Variants in COL14A1 observed in about 807,000 individuals in gnomAD.
COL14A1 encodes collagen type XIV alpha 1 chain, also known as collagen alpha-1(XIV) chain.
COL14A1 carries 136 observed loss-of-function variants against 230.3 expected under a neutral mutation model. The observed-to-expected ratio is 0.59, with a 90% CI of 0.51 to 0.68. The LOEUF is 0.68. Among genes scored for constraint, COL14A1 ranks in the 30% least tolerant of loss-of-function variants. The probability of loss-of-function intolerance (pLI) is 0.00; values close to 1 mark genes in which losing one functional copy is unlikely to be tolerated. For synonymous variants in COL14A1, 792 were observed against 784.1 expected (o/e 1.01, Z -0.17); for missense variants, 1,976 against 2,215.8 (o/e 0.89, Z 2.17).
At chr8:120,185,684 G>GA (rs1586747169) in intron 5 of COL14A1, among the ~76,000 whole-genome samples, 1 of 151,946 alleles carries the variant, frequency 6.6e-6, no homozygotes, top group African/African-American at 2.4e-5. Context: ...AAAAGAAGAA[G>GA]AAAAAAATAG....
In COL14A1 at chr8:120,179,971, G is replaced by A. The variant is rs1816410391; in HGVS notation, c.436+11724G>A. ...GGGAAAGGATTTCCTATTTAATGGT[G>A]TTGGGAAAACTGGCTAGCCATATGC... On this transcript the variant is annotated intron_variant, in intron 5 of 47. Transcript: ENST00000297848. Among the ~76,000 whole-genome samples, 2 of 152,154 alleles carry A rather than the reference G, an allele frequency of 1.3e-5. 1 individual carries two copies. The highest frequency in any genetic ancestry group is 4.2e-4 in the South Asian group (2 of 4,814).
intron 2 of COL14A1, among the ~76,000 whole-genome samples, chr8:120,157,715 G>T (rs1443307989): frequency 6.6e-6 from 1 of 152,150 alleles, no homozygotes; most frequent in Middle Eastern, 3.2e-3. Flanking sequence ...GCCAGGCGTG[G>T]TGGCTTATGC....
At chr8:120,225,651 C>T (rs759962443) in intron 15 of COL14A1, among the ~76,000 whole-genome samples, 5 of 152,140 alleles carry the variant, frequency 3.3e-5, no homozygotes, top group East Asian at 1.9e-4. Flanking sequence ...TGATTTTCCC[C>T]GAGCCTGAAA....
intron 20 of COL14A1, among the ~76,000 whole-genome samples, chr8:120,246,643 A>G (rs949116549): frequency 1.3e-5 from 2 of 152,204 alleles, no homozygotes; most frequent in Admixed American, 1.3e-4. Context: ...TTATTACAGA[A>G]ATGCCATTAC....
chr8:120,306,211 C>T (rs1433925199), intron 36 of COL14A1, among the ~76,000 whole-genome samples: 1 of 152,048 alleles, frequency 6.6e-6, no homozygotes, highest in African/African-American at 2.4e-5. Flanking sequence ...AGCATTAATA[C>T]ATGTTTATAG....
chr8:120,280,619 G>T lies in COL14A1; in HGVS notation c.3647-92G>T, dbSNP rs62527050. On this transcript the variant is annotated intron_variant, in intron 29 of 47. Coordinates refer to ENST00000297848, the MANE Select transcript of COL14A1 (RefSeq NM_021110.4). ...TCTCTCCACAATCAACTTCTGGAAA[G>T]ATTGTATTAGTTTCCTGTTCTCAGG... 2.9e-3 allele frequency: 3,439 copies of T among 1,189,268 alleles called. 5 individuals carry two copies. The highest frequency in any genetic ancestry group is 3.8e-3 in the Non-Finnish European group (3,086 of 810,110). The allele number at this position is 1,189,268 out of a possible 1,614,324, so 73.7% of individuals were successfully genotyped here.
chr8:120,158,158 T>C lies in COL14A1; in HGVS notation c.117T>C (p.Asn39=). 6.3e-7 allele frequency: 1 copy of C among 1,599,468 alleles called. No individual in the cohort carries two copies. Among genetic ancestry groups the C allele is most frequent in the South Asian group, 1.1e-5 (1 of 88,692 alleles). The change falls in exon 3 of 48, where the codon AAT becomes AAC. Residue 39 remains asparagine, a synonymous_variant. Coordinates refer to ENST00000297848, the MANE Select transcript of COL14A1 (RefSeq NM_021110.4). ...CTCCACCCACAAGGTTAAGATATAA[T>C]GTAATATCTCATGACAGTATACAGA... is the stretch of plus-strand genomic sequence containing the variant. ...QVAPPTRLRY[N]VISHDSIQIS...
chr8:120,304,292 G>C (rs1313171366), intron 36 of COL14A1, among the ~76,000 whole-genome samples: 1 of 151,886 alleles, frequency 6.6e-6, no homozygotes, highest in Non-Finnish European at 1.5e-5. Context: ...TAGTTTTGGG[G>C]TTGGTTTGCT....
At chr8:120,346,396 C>T (rs150759757) in intron 45 of COL14A1, among the ~76,000 whole-genome samples, 1 of 152,264 alleles carries the variant, frequency 6.6e-6, no homozygotes, top group East Asian at 1.9e-4. Flanking sequence ...GACAACTCAT[C>T]AGAGTATTTT....
intron 19 of COL14A1, among the ~76,000 whole-genome samples, chr8:120,239,780 C>T (rs755763664): frequency 6.0e-5 from 9 of 150,036 alleles, no homozygotes; most frequent in African/African-American, 2.0e-4. Context: ...AAATGAGACC[C>T]GTGGAAACTT....
At chr8:120,270,489 G>A (rs775497324) in intron 26 of COL14A1, among the ~76,000 whole-genome samples, 1 of 151,670 alleles carries the variant, frequency 6.6e-6, no homozygotes, top group Non-Finnish European at 1.5e-5. Context: ...CTGCCCTTAA[G>A]CACTTTAAAA....
chr8:120,370,507 C>A, intron 47 of COL14A1: 1 of 1,493,586 alleles, frequency 6.7e-7, no homozygotes. Context: ...TGCATCCCTG[C>A]CTTCCCACTT....
At chr8:120,260,230 T>A (rs116506088) in intron 23 of COL14A1, among the ~76,000 whole-genome samples, 2,371 of 152,238 alleles carry the variant, frequency 0.016, 60 homozygotes, top group African/African-American at 0.053. Flanking sequence ...AGTCTATATT[T>A]GTCCATAGAC....
chr8:120,371,358 T>G lies in COL14A1; in HGVS notation c.*127T>G. On this transcript the variant is annotated 3_prime_UTR_variant, in exon 48 of 48. Coordinates refer to ENST00000297848, the MANE Select transcript of COL14A1 (RefSeq NM_021110.4). ...GCTCATTTCAGCAGCCTAAATCTCC[T>G]CCTTGGATAATGTTAATATTATTAT... The G allele has an allele frequency of 2.1e-6, 1 of 472,514 alleles. No homozygotes were observed. Among genetic ancestry groups the G allele is most frequent in the Non-Finnish European group, 3.7e-6 (1 of 268,376 alleles). 29.3% of individuals were successfully genotyped at this position (472,514 alleles called of 1,614,324 possible).
At chr8:120,163,380 G>A (rs1253170288) in intron 4 of COL14A1, among the ~76,000 whole-genome samples, 1 of 152,096 alleles carries the variant, frequency 6.6e-6, no homozygotes, top group East Asian at 1.9e-4. Flanking sequence ...GTGTGCAGAG[G>A]ACATTCTAAG....
At chr8:120,164,282 T>G (rs1438411449) in intron 4 of COL14A1, among the ~76,000 whole-genome samples, 1 of 152,184 alleles carries the variant, frequency 6.6e-6, no homozygotes, top group Non-Finnish European at 1.5e-5. Flanking sequence ...TCATTTCAAG[T>G]AGATTTTTTT....
At chr8:120,305,648 G>T (rs1163397139) in intron 36 of COL14A1, among the ~76,000 whole-genome samples, 1 of 151,948 alleles carries the variant, frequency 6.6e-6, no homozygotes, top group Non-Finnish European at 1.5e-5. Context: ...GACCCATTCT[G>T]ATTTACATCC....
At chr8:120,137,544 T>C (rs1363784339) in intron 1 of COL14A1, among the ~76,000 whole-genome samples, 1 of 152,094 alleles carries the variant, frequency 6.6e-6, no homozygotes, top group African/African-American at 2.4e-5. Context: ...GGTAAAAAAT[T>C]AGAGCATTGA....
At chr8:120,130,858 C>T (rs1241045550) in intron 1 of COL14A1, among the ~76,000 whole-genome samples, 2 of 152,114 alleles carry the variant, frequency 1.3e-5, no homozygotes, top group Non-Finnish European at 2.9e-5. Flanking sequence ...AGTTCTTCAA[C>T]CCTCACCCCC....
Sources: allele counts gnomAD v4.1 joint callset (sites outside exome capture counted in the v4.1 genomes callset), GRCh38; gene constraint gnomAD v4.1.1; transcripts MANE v1.5; gene names NCBI Gene and HGNC (gene_info 2026-07-23, HGNC 2026-07-21).